The following PCDHA6 variants were observed in gnomAD, a reference collection of about 807,000 sequenced individuals.
PCDHA6 encodes the protein protocadherin alpha 6, also known as protocadherin alpha-6.
Under a neutral mutation model 60.3 loss-of-function variants are expected in PCDHA6, and 55 were observed. The ratio of observed to expected loss-of-function variants is 0.91; its 90% CI spans 0.73 to 1.14. The LOEUF (loss-of-function observed/expected upper bound fraction) is 1.14. Among genes scored for constraint, PCDHA6 ranks in the 50% most tolerant of loss-of-function variants. PCDHA6 has a pLI of 0.00. For synonymous variants in PCDHA6, 652 were observed against 557.9 expected (o/e 1.17, Z -2.38); for missense variants, 1,327 against 1,256.5 (o/e 1.06, Z -0.85).
intron 1 of PCDHA6, chr5:140,849,420 G>A: frequency 6.4e-7 from 1 of 1,572,968 alleles, no homozygotes; most frequent in Non-Finnish European, 8.7e-7. Context: ...AGGACATATG[G>A]ATTTTGAAGA....
chr5:140,888,647 T>C (rs781796685), intron 1 of PCDHA6, among the ~76,000 whole-genome samples: 2 of 152,244 alleles, frequency 1.3e-5, no homozygotes, highest in African/African-American at 2.4e-5. Context: ...AATACTTTCC[T>C]GAGGACACCA....
rs2150153746 is a variant in PCDHA6, at chr5:140,828,302, C to A, written c.211C>A (p.Arg71Ser). The change falls in exon 1 of 4, where the codon CGC becomes AGC. Residue 71 changes from arginine to serine, a missense_variant. Physicochemically the swap from Arg to Ser is moderately radical, Grantham distance 110. Coordinates refer to ENST00000529310, the MANE Select transcript of PCDHA6 (RefSeq NM_018909.4). Reference sequence around the variant, plus strand: ...CCTGTTCAGGATGGCCTCCAAAGACCGCGAGGACCTTCTGGAGGTAAATCT... The same window carrying A: ...CCTGTTCAGGATGGCCTCCAAAGACAGCGAGGACCTTCTGGAGGTAAATCT... ...PRLFRMASKD[R>S]EDLLEVNLQN... The A allele has an allele frequency of 1.9e-6, 3 of 1,614,148 alleles. No homozygotes were observed. The Admixed American group carries it at 5.0e-5, about 27-fold the overall frequency.
At chr5:140,861,543 C>G (rs1554154929) in intron 1 of PCDHA6, 2 of 424,418 alleles carry the variant, frequency 4.7e-6, no homozygotes, top group East Asian at 7.1e-5. Flanking sequence ...CAGCATCCAC[C>G]TGGAAGTGAT....
intron 1 of PCDHA6, among the ~76,000 whole-genome samples, chr5:140,890,854 T>G (rs1320462436): frequency 6.6e-6 from 1 of 152,232 alleles, no homozygotes; most frequent in Non-Finnish European, 1.5e-5. Context: ...TTTCTCTTCC[T>G]TACTTCTTGC....
chr5:141,009,062 A>G (rs1466818539), intron 3 of PCDHA6, among the ~76,000 whole-genome samples: 1 of 152,240 alleles, frequency 6.6e-6, no homozygotes, highest in East Asian at 1.9e-4. Context: ...TCACAACTGT[A>G]TTCTTTAGGA....
At chr5:140,965,254 T>C (rs2153743153) in intron 1 of PCDHA6, among the ~76,000 whole-genome samples, 1 of 152,302 alleles carries the variant, frequency 6.6e-6, no homozygotes, top group African/African-American at 2.4e-5. Context: ...TATTCAGAAC[T>C]GAGCAGCAGA....
chr5:140,910,708 A>G (rs1227801513), intron 1 of PCDHA6, among the ~76,000 whole-genome samples: 2 of 152,164 alleles, frequency 1.3e-5, no homozygotes, highest in African/African-American at 4.8e-5. Context: ...ACAGTGGGCC[A>G]TCTTTTAATC....
intron 1 of PCDHA6, chr5:140,968,724 G>C: frequency 6.2e-7 from 1 of 1,614,090 alleles, no homozygotes; most frequent in Non-Finnish European, 8.5e-7. Context: ...GATGAGAGTG[G>C]TAGCACTTTC....
intron 1 of PCDHA6, chr5:140,856,396 C>G: frequency 6.3e-7 from 1 of 1,598,526 alleles, no homozygotes. Flanking sequence ...TGCAGGTTTT[C>G]CATGTGGACG....
rs1554138258 is a variant in PCDHA6 at position 140,841,498 on chromosome 5, G to C, written c.2394+11013G>C. ...ACCTGGGGCTGGAGCTGGCGGAGCT[G>C]GTGCCGCGCCTGTTCCGGGTGGCGT... is the stretch of plus-strand genomic sequence containing the variant. On this transcript the variant is annotated intron_variant, in intron 1 of 3. Coordinates refer to ENST00000529310, the MANE Select transcript of PCDHA6 (RefSeq NM_018909.4). 5 of 1,613,284 alleles carry C rather than the reference G, an allele frequency of 3.1e-6. No individual in the cohort carries two copies. The Admixed American group carries it at 6.7e-5, about 22-fold the overall frequency.
At chr5:141,009,511 G>C in intron 3 of PCDHA6, 116 bp from the exon 4 acceptor site, 2 of 1,498,174 alleles carry the variant, frequency 1.3e-6, no homozygotes, top group Non-Finnish European at 1.8e-6. Context: ...CAAACAACTC[G>C]TGATTTTTCT....
At chr5:140,973,984 C>CT (rs2096610197) in intron 1 of PCDHA6, among the ~76,000 whole-genome samples, 1 of 152,186 alleles carries the variant, frequency 6.6e-6, no homozygotes, top group East Asian at 1.9e-4. Flanking sequence ...TTTTACAGAA[C>CT]TTCACCTGGA....
At chr5:140,841,418 T>C in intron 1 of PCDHA6, 9 of 1,613,046 alleles carry the variant, frequency 5.6e-6, no homozygotes, top group Non-Finnish European at 7.6e-6. Context: ...CCAGCTCCAC[T>C]ACTCCGTCCC....
rs781785142 is a variant in PCDHA6, at chr5:140,871,450, G to A, written c.2394+40965G>A. 4 of 1,608,718 alleles carry A rather than the reference G, an allele frequency of 2.5e-6. No individual in the cohort carries two copies. The highest frequency in any genetic ancestry group is 2.2e-5 in the South Asian group (2 of 90,488). ...TCTTCCTCTAGGTCTGAATAAAGAG[G>A]AGGAAGGGGAAAGACAGGAGCCAGG... On this transcript the variant is annotated intron_variant, in intron 1 of 3. Coordinates refer to ENST00000529310, the MANE Select transcript of PCDHA6 (RefSeq NM_018909.4).
intron 1 of PCDHA6, among the ~76,000 whole-genome samples, chr5:140,971,657 G>A (rs961666289): frequency 1.3e-5 from 2 of 151,992 alleles, no homozygotes; most frequent in African/African-American, 4.8e-5. Flanking sequence ...AAGTAGATGG[G>A]AATTAGAGAG....
chr5:140,901,539 A>C (rs192107124), intron 1 of PCDHA6, among the ~76,000 whole-genome samples: 1 of 151,952 alleles, frequency 6.6e-6, no homozygotes, highest in African/African-American at 2.4e-5. Context: ...TTGGTTCTCT[A>C]TTCTGTTCCA....
chr5:140,884,116 C>T (rs1554181240), intron 1 of PCDHA6: 2 of 1,613,304 alleles, frequency 1.2e-6, no homozygotes, highest in South Asian at 2.2e-5. Context: ...TGGCGGCGGT[C>T]GGCGCGCGCA....
intron 1 of PCDHA6, chr5:140,864,182 TA>T: frequency 6.6e-6 from 1 of 152,352 alleles, no homozygotes; most frequent in East Asian, 1.9e-4. Context: ...TCATGATGAA[TA>T]ATGATCCTTA....
chr5:140,857,654 G>C, intron 1 of PCDHA6: 1 of 1,596,766 alleles, frequency 6.3e-7, no homozygotes, highest in South Asian at 1.1e-5. Flanking sequence ...CCAGGTGAGC[G>C]CGCGCGATGG....
Sources: allele counts gnomAD v4.1 joint callset (sites outside exome capture counted in the v4.1 genomes callset), GRCh38; gene constraint gnomAD v4.1.1; transcripts MANE v1.5; gene names NCBI Gene and HGNC (gene_info 2026-07-23, HGNC 2026-07-21).